The following FGGY variants were observed in gnomAD, a reference collection of about 807,000 sequenced individuals.
FGGY encodes FGGY carbohydrate kinase domain-containing protein.
Under a neutral mutation model 71.3 loss-of-function variants are expected in FGGY, and 72 were observed. That is an observed-to-expected ratio of 1.01 (90% CI 0.84 to 1.23). The LOEUF is 1.23. Among genes scored for constraint, FGGY ranks in the 50% most tolerant of loss-of-function variants. The pLI, the probability that FGGY is intolerant of heterozygous loss-of-function variation, is 0.00. For missense variants in FGGY, 668 were observed against 682.3 expected, an observed-to-expected ratio of 0.98 and a Z score of 0.23; for synonymous variants, 251 against 250.3, an observed-to-expected ratio of 1.00 and a Z score of -0.02.
chr1:59,648,695 A>G (rs1401110582), intron 11 of FGGY, among the ~76,000 whole-genome samples: 3 of 150,484 alleles, frequency 2.0e-5, no homozygotes, highest in East Asian at 3.9e-4. Context: ...CCCATTTTGT[A>G]GGTTGCCTGT....
intron 1 of FGGY, among the ~76,000 whole-genome samples, chr1:59,297,829 A>T (rs1267243240): frequency 6.6e-6 from 1 of 152,068 alleles, no homozygotes; most frequent in Non-Finnish European, 1.5e-5. Flanking sequence ...AAAAAAAAAA[A>T]AAATTGACAA....
At chr1:59,432,060 G>A (rs1572076857) in intron 5 of FGGY, among the ~76,000 whole-genome samples, 1 of 152,250 alleles carries the variant, frequency 6.6e-6, no homozygotes, top group East Asian at 1.9e-4. Context: ...CACCAGGAGG[G>A]GAGAGAGGCT....
At chr1:59,690,493 T>G (rs370199306) in intron 14 of FGGY, among the ~76,000 whole-genome samples, 1 of 152,208 alleles carries the variant, frequency 6.6e-6, no homozygotes, top group African/African-American at 2.4e-5. Flanking sequence ...ATAAAGCTCC[T>G]TTGGGAAACT....
intron 14 of FGGY, chr1:59,697,617 C>T (rs565523567): frequency 2.5e-5 from 31 of 1,234,866 alleles, no homozygotes; most frequent in Admixed American, 1.2e-4. Flanking sequence ...AAGACTTTGG[C>T]GTGCTTAACA....
At chr1:59,540,254 G>A (rs566008810) in intron 7 of FGGY, among the ~76,000 whole-genome samples, 1 of 152,266 alleles carries the variant, frequency 6.6e-6, no homozygotes, top group African/African-American at 2.4e-5. Flanking sequence ...ATATCCAACA[G>A]AAATGTGTAC....
chr1:59,665,902 T>C (rs1373544495), intron 12 of FGGY, among the ~76,000 whole-genome samples: 2 of 152,154 alleles, frequency 1.3e-5, no homozygotes, highest in Non-Finnish European at 2.9e-5. Flanking sequence ...CCCGATCTCC[T>C]GACCTCATGA....
At chr1:59,652,304 T>C (rs920455491) in intron 11 of FGGY, among the ~76,000 whole-genome samples, 8 of 148,264 alleles carry the variant, frequency 5.4e-5, no homozygotes, top group African/African-American at 2.0e-4. Flanking sequence ...TGGCCTGCCT[T>C]GCTAGATTGG....
At chr1:59,619,831 G>C (rs575480166) in intron 9 of FGGY, among the ~76,000 whole-genome samples, 2 of 152,042 alleles carry the variant, frequency 1.3e-5, no homozygotes, top group Admixed American at 6.6e-5. Flanking sequence ...GTGGAAGTAG[G>C]GGGAGGGAAG....
chr1:59,470,034 A>G (rs1221172523), intron 6 of FGGY, among the ~76,000 whole-genome samples: 1 of 152,144 alleles, frequency 6.6e-6, no homozygotes, highest in Non-Finnish European at 1.5e-5. Context: ...TGTCTTTGCT[A>G]TTGTGAACAG....
chr1:59,418,697 C>A (rs1409716288), intron 5 of FGGY, among the ~76,000 whole-genome samples: 5 of 152,042 alleles, frequency 3.3e-5, no homozygotes, highest in Non-Finnish European at 5.9e-5. Flanking sequence ...AAAAGGATGG[C>A]AGTTTTTTGA....
At chr1:59,589,877 A>G (rs1182415711) in intron 8 of FGGY, among the ~76,000 whole-genome samples, 1 of 152,160 alleles carries the variant, frequency 6.6e-6, no homozygotes, top group Admixed American at 6.5e-5. Context: ...AATTAAAAGA[A>G]CTAGAGAAGC....
intron 14 of FGGY, among the ~76,000 whole-genome samples, chr1:59,753,622 T>C (rs1332991552): frequency 6.6e-6 from 1 of 150,516 alleles, no homozygotes; most frequent in Non-Finnish European, 1.5e-5. Flanking sequence ...ACCCATGCTA[T>C]CCAACCTGTT....
chr1:59,378,136 T>C (rs1407097450), intron 4 of FGGY, among the ~76,000 whole-genome samples: 1 of 152,084 alleles, frequency 6.6e-6, no homozygotes, highest in Non-Finnish European at 1.5e-5. Flanking sequence ...ATGGATTGCA[T>C]ACCTTACAGA....
chr1:59,667,466 G>A lies in FGGY; in HGVS notation c.1417+63G>A, dbSNP rs1022153233. On this transcript the variant is annotated intron_variant, in intron 13 of 15. Coordinates refer to ENST00000303721, the MANE Select transcript of FGGY (RefSeq NM_018291.5). ...CTTGGCAGCAAATGGGCATGGCCAA[G>A]TTCTGGGTGAAGTGAGAATAGGAGG... The A allele has an allele frequency of 8.2e-6, 13 of 1,588,660 alleles. No homozygotes were observed. In the South Asian group the frequency reaches 1.1e-4, roughly 14 times the overall value.
intron 14 of FGGY, chr1:59,754,812 C>T (rs1207357261): frequency 6.6e-6 from 1 of 152,312 alleles, no homozygotes; most frequent in Non-Finnish European, 1.5e-5. Flanking sequence ...CATACATGGG[C>T]CACTTGGGGT....
chr1:59,452,196 A>G (rs543926986), intron 5 of FGGY, among the ~76,000 whole-genome samples: 53 of 151,470 alleles, frequency 3.5e-4, no homozygotes, highest in Admixed American at 1.9e-3. Flanking sequence ...TATCTCTTCC[A>G]TCATTATGTC....
At position 59,427,643 on chromosome 1, in the gene FGGY, C is replaced by G. The variant is rs140443879; in HGVS notation, c.555-29318C>G. On this transcript the variant is annotated intron_variant, in intron 5 of 15. Transcript: ENST00000303721. ...TTTCCCCTTTCCTCTGTACCTGTCA[C>G]AGAAGGGGGCCTGTCTGAATAAGAT... is the stretch of plus-strand genomic sequence containing the variant. 5.7e-3 allele frequency among the ~76,000 whole-genome samples: 864 copies of G among 152,298 alleles called. 3 individuals carry two copies. The highest frequency in any genetic ancestry group is 9.7e-3 in the Non-Finnish European group (663 of 68,032).
At chr1:59,500,517 T>C (rs1418033269) in intron 6 of FGGY, among the ~76,000 whole-genome samples, 1 of 151,958 alleles carries the variant, frequency 6.6e-6, no homozygotes, top group Non-Finnish European at 1.5e-5. Flanking sequence ...TTATGATATA[T>C]ATCTGCAGAG....
chr1:59,693,734 C>A (rs1201937081), intron 14 of FGGY, among the ~76,000 whole-genome samples: 1 of 152,024 alleles, frequency 6.6e-6, no homozygotes, highest in Admixed American at 6.6e-5. Context: ...TGGCCAGGCT[C>A]GGTGGCTCAC....
Sources: allele counts gnomAD v4.1 joint callset (sites outside exome capture counted in the v4.1 genomes callset), GRCh38; gene constraint gnomAD v4.1.1; transcripts MANE v1.5; gene names NCBI Gene and HGNC (gene_info 2026-07-23, HGNC 2026-07-21).